The following CYP51A1 variants were observed in gnomAD, a reference collection of about 807,000 sequenced individuals.
The protein encoded by CYP51A1 is cytochrome P450 family 51 subfamily A member 1, also known as lanosterol 14-alpha demethylase.
CYP51A1 carries 45 observed loss-of-function variants against 53.5 expected under a neutral mutation model. The ratio of observed to expected loss-of-function variants is 0.84; its 90% CI spans 0.66 to 1.08. The LOEUF (loss-of-function observed/expected upper bound fraction) is 1.08. Among genes scored for constraint, CYP51A1 ranks in the 50% least tolerant of loss-of-function variants. The pLI, the probability that CYP51A1 is intolerant of heterozygous loss-of-function variation, is 0.00. For missense variants in CYP51A1, 462 were observed against 621.7 expected, an observed-to-expected ratio of 0.74 and a Z score of 2.73; for synonymous variants, 181 against 217.7, an observed-to-expected ratio of 0.83 and a Z score of 1.48.
chr7:92,134,121 G>T, intron 1 of CYP51A1, 52 bp downstream of exon 1: 1 of 1,573,490 alleles, frequency 6.4e-7, no homozygotes, highest in Non-Finnish European at 8.7e-7. Flanking sequence ...CAGCCCTTCG[G>T]CCGCCTCAGC....
intron 7 of CYP51A1, among the ~76,000 whole-genome samples, chr7:92,119,923 A>G (rs1223510462): frequency 6.6e-6 from 1 of 152,192 alleles, no homozygotes; most frequent in African/African-American, 2.4e-5. Context: ...TTTTTAGAGA[A>G]CCAAATAGAA....
At chr7:92,115,331 T>G (rs1386060210) in intron 9 of CYP51A1, among the ~76,000 whole-genome samples, 1 of 152,182 alleles carries the variant, frequency 6.6e-6, no homozygotes, top group Non-Finnish European at 1.5e-5. Context: ...TTATTTAAGA[T>G]GAGATGACCC....
rs879010642 is a variant in CYP51A1, at chr7:92,112,828, C to CAAAAAAA, written c.*830_*836dup. 2.1e-5 allele frequency: 1 copy of CAAAAAAA among 47,128 alleles called. No homozygotes were observed. The allele number at this position is 47,128 out of a possible 1,614,324, so 2.9% of individuals were successfully genotyped here. A position where few individuals can be genotyped will look rare whatever the true frequency, so the allele number is the denominator to read the frequency against. Reference sequence around the variant, plus strand: ...TGGGCAACAGAGCGAGACTCCATCTCAAAAAAAAAAAAAAAAAAAGGAAGC... The same window carrying CAAAAAAA: ...TGGGCAACAGAGCGAGACTCCATCTCAAAAAAAAAAAAAAAAAAAAAAAAAAGGAAGC... On this transcript the variant is annotated 3_prime_UTR_variant, in exon 10 of 10. Transcript: ENST00000003100.
chr7:92,121,571 A>C (rs577594046), intron 7 of CYP51A1, among the ~76,000 whole-genome samples: 1 of 152,352 alleles, frequency 6.6e-6, no homozygotes, highest in South Asian at 2.1e-4. Flanking sequence ...AACAACTCAA[A>C]TGTCCATCAA....
intron 9 of CYP51A1, among the ~76,000 whole-genome samples, chr7:92,114,210 A>G (rs1584628731): frequency 6.6e-6 from 1 of 152,178 alleles, no homozygotes; most frequent in African/African-American, 2.4e-5. Flanking sequence ...AAACCTTCCA[A>G]TCAAACCTCA....
chr7:92,126,505 A>C, intron 4 of CYP51A1, 78 bp from the exon 5 acceptor site: 1 of 1,214,410 alleles, frequency 8.2e-7, no homozygotes, highest in East Asian at 2.5e-5. Context: ...ACAGAACTCA[A>C]GAAGAAACAA....
chr7:92,122,619 C>A (rs183690644), intron 7 of CYP51A1, among the ~76,000 whole-genome samples: 100 of 152,292 alleles, frequency 6.6e-4, no homozygotes, highest in Non-Finnish European at 1.2e-3. Flanking sequence ...CCAAGGTTTG[C>A]TTCCAAGATG....
chr7:92,131,788 T>C lies in CYP51A1; in HGVS notation c.277A>G (p.Asn93Asp). The change falls in exon 2 of 10, where the codon AAT (asparagine) becomes GAT (aspartate). Residue 93 changes from asparagine to aspartate, a missense_variant. Asn to Asp is a conservative substitution (Grantham distance 23). Coordinates refer to ENST00000003100, the MANE Select transcript of CYP51A1 (RefSeq NM_000786.4). ...FGKSPIEFLE[N>D]AYEKYGPVFS... Reference sequence around the variant, plus strand: ...GGAAGACTTACCTTCTCATATGCATTTTCTAGAAATTCAATTGGACTTTTC... The same window carrying C: ...GGAAGACTTACCTTCTCATATGCATCTTCTAGAAATTCAATTGGACTTTTC... The C allele has an allele frequency of 6.4e-7, 1 of 1,553,104 alleles. No individual in the cohort carries two copies. Among genetic ancestry groups the C allele is most frequent in the Non-Finnish European group, 8.8e-7 (1 of 1,134,860 alleles).
At position 92,127,991 on chromosome 7, in the gene CYP51A1, T is replaced by C. The variant is rs149041323; in HGVS notation, c.469-360A>G. 5.7e-3 allele frequency among the ~76,000 whole-genome samples: 869 copies of C among 152,318 alleles called. 11 individuals are homozygous for C. Among genetic ancestry groups the C allele is most frequent in the African/African-American group, 0.02 (831 of 41,570 alleles). On this transcript the variant is annotated intron_variant, in intron 3 of 9. Coordinates refer to ENST00000003100, the MANE Select transcript of CYP51A1 (RefSeq NM_000786.4). The stretch of plus-strand genomic sequence containing the variant: ...TCACAGCCAGAGCCCATACCAAGCA[T>C]TGGGGCCAATTGTCTGATTTGTGTT...
At position 92,117,231 on chromosome 7, in the gene CYP51A1, C is replaced by T. The variant is rs149419733; in HGVS notation, c.1183-19G>A. Reference sequence around the variant, plus strand: ...CCACAGTCTATAAACAAAAGCCACACATTTCATTAGAGAATTTAAAAATGT... The same window carrying T: ...CCACAGTCTATAAACAAAAGCCACATATTTCATTAGAGAATTTAAAAATGT... On this transcript the variant is annotated intron_variant, in intron 8 of 9. Transcript: ENST00000003100. 281 of 1,600,346 alleles carry T rather than the reference C, an allele frequency of 1.8e-4. 2 individuals carry two copies. The East Asian group carries it at 5.6e-3, about 32-fold the overall frequency.
rs1445570540 is a variant in CYP51A1, at chr7:92,134,403, G to A, written c.-39C>T. On this transcript the variant is annotated 5_prime_UTR_variant, in exon 1 of 10. Transcript: ENST00000003100. ...AACACTGAAGGCCGAGGTCGCCACC[G>A]CTCCTCCCAATCGACGGAACGAGAG... The A allele has an allele frequency of 4.6e-6, 7 of 1,513,036 alleles. No homozygotes were observed. The highest frequency in any genetic ancestry group is 1.3e-5 in the South Asian group (1 of 79,000). 93.7% of individuals were successfully genotyped at this position (1,513,036 alleles called of 1,614,324 possible).
At chr7:92,130,611 T>C (rs1819897912) in intron 2 of CYP51A1, among the ~76,000 whole-genome samples, 1 of 152,200 alleles carries the variant, frequency 6.6e-6, no homozygotes, top group South Asian at 2.1e-4. Flanking sequence ...AAGTAAGTGT[T>C]TGATAATTAT....
chr7:92,134,020 C>T (rs1273689847), intron 1 of CYP51A1, among the ~76,000 whole-genome samples, 153 bp downstream of exon 1: 1 of 151,910 alleles, frequency 6.6e-6, no homozygotes, highest in African/African-American at 2.4e-5. Flanking sequence ...GCCCCCAGCG[C>T]GCCTGCCACC....
chr7:92,123,351 T>C (rs1482322660), intron 6 of CYP51A1, 36 bp from the exon 7 acceptor site: 28 of 1,552,598 alleles, frequency 1.8e-5, no homozygotes, highest in Non-Finnish European at 2.5e-5. Context: ...TTTAACATTT[T>C]GGCAGATACA....
intron 7 of CYP51A1, among the ~76,000 whole-genome samples, chr7:92,118,872 T>C (rs1819630447): frequency 6.6e-6 from 1 of 152,156 alleles, no homozygotes; most frequent in Admixed American, 6.5e-5. Context: ...ATGAAAACAG[T>C]AGCAACAATC....
At chr7:92,119,487 T>C (rs533193455) in intron 7 of CYP51A1, among the ~76,000 whole-genome samples, 1 of 152,278 alleles carries the variant, frequency 6.6e-6, no homozygotes, top group East Asian at 1.9e-4. Flanking sequence ...AGCACTTCAG[T>C]AAATCTCTGT....
chr7:92,132,555 C>T (rs1819945136), intron 1 of CYP51A1, among the ~76,000 whole-genome samples: 1 of 152,108 alleles, frequency 6.6e-6, no homozygotes, highest in African/African-American at 2.4e-5. Context: ...CCAGAGGGCC[C>T]ACTATATTGT....
At chr7:92,115,253 T>C (rs567363179) in intron 9 of CYP51A1, among the ~76,000 whole-genome samples, 1 of 152,320 alleles carries the variant, frequency 6.6e-6, no homozygotes, top group East Asian at 1.9e-4. Context: ...TATCCCCCCA[T>C]AAATTCAAGT....
At position 92,117,201 on chromosome 7, in the gene CYP51A1, C is replaced by T; in HGVS notation, c.1194G>A (p.Gly398=). The T allele has an allele frequency of 1.2e-6, 2 of 1,612,184 alleles. No individual in the cohort carries two copies. Among genetic ancestry groups the T allele is most frequent in the Non-Finnish European group, 1.7e-6 (2 of 1,179,412 alleles). Residue 398 remains glycine (G), a synonymous_variant, in exon 9 of 10, where the codon GGG becomes GGA. Coordinates refer to ENST00000003100, the MANE Select transcript of CYP51A1 (RefSeq NM_000786.4). ...CCTGATGTCCTGGAGGAATGGTATA[C>T]CCTGCCACAGTCTATAAACAAAAGC... ...RMARTPQTVA[G]YTIPPGHQVC...
Sources: allele counts gnomAD v4.1 joint callset (sites outside exome capture counted in the v4.1 genomes callset), GRCh38; gene constraint gnomAD v4.1.1; transcripts MANE v1.5; gene names NCBI Gene and HGNC (gene_info 2026-07-23, HGNC 2026-07-21).